KALRN: variants seen among roughly 807,000 people sequenced by gnomAD.
The protein encoded by KALRN is kalirin.
In KALRN, 70 loss-of-function variants were observed where a neutral mutation model predicts 353.7. The ratio of observed to expected loss-of-function variants is 0.20; its 90% confidence interval spans 0.16 to 0.24. The LOEUF is 0.24. Ranked by LOEUF, KALRN falls within the 10% of genes least tolerant of loss-of-function variation. KALRN has a pLI of 1.00. For missense variants in KALRN, 2,791 were observed against 3,756.7 expected (o/e 0.74, Z 6.72); for synonymous variants, 1,391 against 1,434.8 (o/e 0.97, Z 0.69).
At chr3:124,455,457 G>C (rs1039967770) in intron 22 of KALRN, 98 bp downstream of exon 22, 3 of 1,232,312 alleles carry the variant, frequency 2.4e-6, no homozygotes, top group Non-Finnish European at 3.4e-6. Flanking sequence ...TTCCAGAGCA[G>C]TTCTTCTGAG....
intron 33 of KALRN, among the ~76,000 whole-genome samples, chr3:124,535,398 A>G (rs540887104): frequency 2.0e-5 from 3 of 152,252 alleles, no homozygotes; most frequent in South Asian, 4.1e-4. Context: ...TGCTTATACC[A>G]GCTATACTTA....
At chr3:124,382,251 T>G (rs2149905453) in intron 10 of KALRN, among the ~76,000 whole-genome samples, 1 of 152,324 alleles carries the variant, frequency 6.6e-6, no homozygotes, top group South Asian at 2.1e-4. Flanking sequence ...TTAATAATAA[T>G]TAGCTACTAT....
rs752048116 is a variant in KALRN at position 124,726,141 on chromosome 3, C to T, written c.*6671C>T. 6.6e-6 allele frequency: 1 copy of T among 151,988 alleles called. No homozygotes were observed. Among genetic ancestry groups the T allele is most frequent in the Non-Finnish European group, 1.5e-5 (1 of 68,010 alleles). 9.4% of individuals were successfully genotyped at this position (151,988 alleles called of 1,614,324 possible). On this transcript the variant is annotated 3_prime_UTR_variant, in exon 60 of 60. Coordinates refer to ENST00000682506, the MANE Select transcript of KALRN (RefSeq NM_001388419.1). ...TGTTCATTTTGTATGCACACAATGT[C>T]GTTTTGTAAAGGTAGGTTGTAAATA...
intron 5 of KALRN, among the ~76,000 whole-genome samples, chr3:124,298,304 T>C (rs1272672885): frequency 6.6e-6 from 1 of 152,210 alleles, no homozygotes; most frequent in Non-Finnish European, 1.5e-5. Flanking sequence ...TGTAGAGTTA[T>C]GAGAAAAGCT....
At chr3:124,246,407 A>C (rs1339475655) in intron 3 of KALRN, among the ~76,000 whole-genome samples, 1 of 152,210 alleles carries the variant, frequency 6.6e-6, no homozygotes. Context: ...GCCCCTTAAC[A>C]GGGAGCGCAC....
At chr3:124,134,064 T>G (rs1204545809) in intron 1 of KALRN, among the ~76,000 whole-genome samples, 1 of 152,042 alleles carries the variant, frequency 6.6e-6, no homozygotes, top group Non-Finnish European at 1.5e-5. Flanking sequence ...AGAGAGCCCA[T>G]GGAGCCAAAG....
At chr3:124,130,146 G>A (rs983893467) in intron 1 of KALRN, among the ~76,000 whole-genome samples, 3 of 152,198 alleles carry the variant, frequency 2.0e-5, no homozygotes, top group Admixed American at 6.5e-5. Flanking sequence ...CTATGGTAGT[G>A]TATAAATTAA....
At chr3:124,526,181 C>T (rs2067574460) in intron 33 of KALRN, among the ~76,000 whole-genome samples, 1 of 152,172 alleles carries the variant, frequency 6.6e-6, no homozygotes, top group Non-Finnish European at 1.5e-5. Flanking sequence ...CTTAGATCAT[C>T]ACCACATGCC....
intron 1 of KALRN, among the ~76,000 whole-genome samples, chr3:124,183,970 A>C (rs2073922352): frequency 6.6e-6 from 1 of 152,230 alleles, no homozygotes; most frequent in Admixed American, 6.5e-5. Context: ...TGAATGCCAT[A>C]ATCACCATAC....
intron 6 of KALRN, among the ~76,000 whole-genome samples, chr3:124,324,345 A>G (rs1286017852): frequency 6.6e-6 from 1 of 152,178 alleles, no homozygotes; most frequent in Non-Finnish European, 1.5e-5. Flanking sequence ...TGTCGAAATC[A>G]GTGTGTGCTT....
intron 34 of KALRN, among the ~76,000 whole-genome samples, chr3:124,569,729 C>A (rs537810930): frequency 6.6e-6 from 1 of 152,192 alleles, no homozygotes; most frequent in South Asian, 2.1e-4. Context: ...GGCTTGTTAG[C>A]CAGTCTAGCT....
intron 33 of KALRN, among the ~76,000 whole-genome samples, chr3:124,539,009 G>A (rs1033609083): frequency 2.0e-5 from 3 of 152,266 alleles, no homozygotes; most frequent in South Asian, 2.1e-4. Flanking sequence ...CCATGCTGTC[G>A]CATGGTGCCT....
intron 33 of KALRN, among the ~76,000 whole-genome samples, chr3:124,498,085 A>G (rs536813469): frequency 1.3e-5 from 2 of 152,326 alleles, no homozygotes; most frequent in South Asian, 4.1e-4. Flanking sequence ...GTCACCCAAG[A>G]CAATTCTAGT....
intron 21 of KALRN, 50 bp from the exon 22 acceptor site, chr3:124,455,127 G>C (rs765469680): frequency 1.3e-6 from 2 of 1,597,390 alleles, no homozygotes; most frequent in East Asian, 4.5e-5. Flanking sequence ...GGGGTGAAGG[G>C]GCAGGAGAAT....
intron 18 of KALRN, among the ~76,000 whole-genome samples, chr3:124,441,525 C>G (rs575856470): frequency 7.2e-4 from 109 of 152,282 alleles, no homozygotes; most frequent in Non-Finnish European, 1.4e-3. Context: ...CTTGAGCCTC[C>G]TAAAAAGTAT....
At chr3:124,130,903 T>A (rs915987545) in intron 1 of KALRN, among the ~76,000 whole-genome samples, 2 of 152,180 alleles carry the variant, frequency 1.3e-5, no homozygotes, top group African/African-American at 4.8e-5. Flanking sequence ...CTCCCACTTA[T>A]ATGACCAAAC....
At chr3:124,360,923 AC>A (rs2149683508) in intron 10 of KALRN, among the ~76,000 whole-genome samples, 1 of 152,372 alleles carries the variant, frequency 6.6e-6, no homozygotes, top group East Asian at 1.9e-4. Context: ...TTTTGCCTTC[AC>A]GAAAAGATTT....
chr3:124,704,019 T>C (rs1258035898), intron 57 of KALRN, among the ~76,000 whole-genome samples: 3 of 152,154 alleles, frequency 2.0e-5, no homozygotes, highest in African/African-American at 7.2e-5. Context: ...GGAGGTTAAG[T>C]AACTTTCTTA....
At chr3:124,625,565 CAA>C (rs201044567) in intron 34 of KALRN, among the ~76,000 whole-genome samples, 1 of 141,446 alleles carries the variant, frequency 7.1e-6, no homozygotes, top group Non-Finnish European at 1.5e-5. Flanking sequence ...TATCTTCTTC[CAA>C]AAAAAAAAAA....
Sources: gnomAD v4.1 joint callset for allele counts (sites outside exome capture counted in the v4.1 genomes callset) on GRCh38, gnomAD v4.1.1 for gene constraint, MANE v1.5 for transcripts, NCBI Gene and HGNC (gene_info 2026-07-23, HGNC 2026-07-21) for gene names.